Variants in NCOR2 observed in about 807,000 individuals in gnomAD.
NCOR2 encodes the protein CTG repeat protein 26.
NCOR2 carries 81 observed loss-of-function variants against 262.9 expected under a neutral mutation model. That is an observed-to-expected ratio of 0.31 (90% CI 0.26 to 0.37). The LOEUF (loss-of-function observed/expected upper bound fraction) is 0.37, where lower values mean the gene tolerates loss of function less well. NCOR2 is among the 10% of genes least tolerant of loss of function. The pLI is 1.00. For missense variants in NCOR2, 3,385 were observed against 3,621.4 expected, an observed-to-expected ratio of 0.93 and a Z score of 1.68; for synonymous variants, 1,659 against 1,559.3, an observed-to-expected ratio of 1.06 and a Z score of -1.51.
intron 28 of NCOR2, among the ~76,000 whole-genome samples, chr12:124,350,176 G>A (rs2037326220): frequency 2.0e-5 from 3 of 152,308 alleles, no homozygotes; most frequent in Admixed American, 1.3e-4. Flanking sequence ...CCTAGAGAGG[G>A]AGAGGATGGG....
intron 31 of NCOR2, among the ~76,000 whole-genome samples, chr12:124,345,677 G>A (rs1029199059): frequency 6.6e-6 from 1 of 152,230 alleles, no homozygotes; most frequent in African/African-American, 2.4e-5. Flanking sequence ...TGGTCATGCG[G>A]TGGATGCTTC....
chr12:124,475,022 C>G (rs992105589), intron 3 of NCOR2, among the ~76,000 whole-genome samples: 1 of 152,162 alleles, frequency 6.6e-6, no homozygotes, highest in African/African-American at 2.4e-5. Flanking sequence ...CTGCCATCCT[C>G]AGGGCCTCTG....
In NCOR2 at chr12:124,335,232, G is replaced by A. The variant is rs780497989; in HGVS notation, c.6314C>T (p.Pro2105Leu). 23 of 1,609,754 alleles carry A rather than the reference G, an allele frequency of 1.4e-5. No homozygotes were observed. In the East Asian group the frequency reaches 1.6e-4, roughly 11 times the overall value. Reference sequence around the variant, plus strand: ...GGACGAGGGCTGGCTCTCAGGCAGCGGCCGCAGGTGTGGGAGGTGGGCGGC... The same window carrying A: ...GGACGAGGGCTGGCTCTCAGGCAGCAGCCGCAGGTGTGGGAGGTGGGCGGC... The change falls in exon 40 of 47, where the codon CCG becomes CTG. Residue 2105 changes from proline to leucine, a missense_variant. Physicochemically the swap from Pro to Leu is moderately conservative, Grantham distance 98 (BLOSUM62 -3). Transcript: ENST00000405201.
At chr12:124,403,667 A>G (rs1490429243) in intron 13 of NCOR2, among the ~76,000 whole-genome samples, 1 of 152,198 alleles carries the variant, frequency 6.6e-6, no homozygotes, top group African/African-American at 2.4e-5. Flanking sequence ...ACCAGGGAGC[A>G]AGAACTCCAA....
chr12:124,380,594 C>T (rs2040338460), intron 17 of NCOR2, among the ~76,000 whole-genome samples: 1 of 152,186 alleles, frequency 6.6e-6, no homozygotes, highest in Non-Finnish European at 1.5e-5. Context: ...CGGCTGCGGC[C>T]GAGGGCTCCC....
At chr12:124,475,204 G>A (rs1215102774) in intron 3 of NCOR2, among the ~76,000 whole-genome samples, 1 of 152,156 alleles carries the variant, frequency 6.6e-6, no homozygotes, top group African/African-American at 2.4e-5. Flanking sequence ...GAGGGAAACA[G>A]AGAAAAGGGC....
upstream of NCOR2, among the ~76,000 whole-genome samples, chr12:124,536,882 C>A (rs1594026315): frequency 6.6e-6 from 1 of 152,174 alleles, no homozygotes; most frequent in Non-Finnish European, 1.5e-5. Flanking sequence ...AATCGCAGAA[C>A]AACTGAAAAC....
intron 32 of NCOR2, 77 bp from the exon 35 acceptor site, chr12:124,343,303 G>A (rs1053807119): frequency 2.5e-5 from 30 of 1,201,744 alleles, no homozygotes; most frequent in South Asian, 1.8e-4. Context: ...TAGGGACCTC[G>A]GGATCCCAAG....
chr12:124,519,103 C>T lies in NCOR2; in HGVS notation c.-118+16462G>A, dbSNP rs1034341733. Among the ~76,000 whole-genome samples the T allele has an allele frequency of 1.0e-3, 155 of 148,784 alleles. 2 individuals are homozygous for T. The highest frequency in any genetic ancestry group is 0.01 in the Middle Eastern group (3 of 292). ...TGGCCAAATAATACACACACACACACACACACACACACACACACACACACA... is the reference window on the plus strand; with the variant it reads ...TGGCCAAATAATACACACACACACATACACACACACACACACACACACACA... On this transcript the variant is annotated intron_variant, in intron 1 of 46. Transcript: ENST00000404621.
chr12:124,446,531 C>A (rs1249921023), intron 7 of NCOR2, among the ~76,000 whole-genome samples: 1 of 152,120 alleles, frequency 6.6e-6, no homozygotes, highest in Non-Finnish European at 1.5e-5. Flanking sequence ...AAGGCCTTTG[C>A]ACCTCCTGTT....
chr12:124,400,937 G>T (rs2041957289), intron 14 of NCOR2, among the ~76,000 whole-genome samples: 1 of 152,154 alleles, frequency 6.6e-6, no homozygotes, highest in African/African-American at 2.4e-5. Flanking sequence ...AGGTGTGCTG[G>T]GTCACACCTG....
At chr12:124,346,895 A>T in intron 30 of NCOR2, 45 bp from the exon 33 acceptor site, 1 of 1,459,272 alleles carries the variant, frequency 6.9e-7, no homozygotes, top group Non-Finnish European at 9.0e-7. Flanking sequence ...CCCCACCCAG[A>T]CCCATCAAGA....
intron 1 of NCOR2, among the ~76,000 whole-genome samples, chr12:124,489,655 G>A (rs976683904): frequency 6.8e-6 from 1 of 146,790 alleles, no homozygotes; most frequent in African/African-American, 2.5e-5. Flanking sequence ...CCCTGACCAT[G>A]GCACCTCTGA....
At chr12:124,346,620 G>A in exon 31 of NCOR2, 1 of 1,593,344 alleles carries the variant, frequency 6.3e-7, no homozygotes, top group Non-Finnish European at 8.5e-7. Context: ...TCGGGCGTGT[G>A]CCGCAGCTCC....
rs532278989 is a variant in NCOR2 at position 124,380,592 on chromosome 12, G to A, written c.2020-2208C>T. Among the ~76,000 whole-genome samples the A allele has an allele frequency of 3.9e-5, 6 of 152,358 alleles. 1 individual carries two copies. The South Asian group carries it at 1.2e-3, about 32-fold the overall frequency. On this transcript the variant is annotated intron_variant, in intron 17 of 46. Transcript: ENST00000405201. ...GTGGCATGTGGGTTCTGCGGCTGCG[G>A]CCGAGGGCTCCCCCTGCTTCCCGAA... is the stretch of plus-strand genomic sequence containing the variant.
chr12:124,342,914 T>C, intron 33 of NCOR2, 91 bp downstream of exon 35: 1 of 1,391,408 alleles, frequency 7.2e-7, no homozygotes, highest in Non-Finnish European at 9.8e-7. Flanking sequence ...ACCTGACAGT[T>C]GATGCCTAAG....
intron 1 of NCOR2, chr12:124,556,440 G>A (rs1340694441): frequency 2.6e-5 from 4 of 152,350 alleles, no homozygotes; most frequent in Non-Finnish European, 5.9e-5. Flanking sequence ...CACCCTTGTG[G>A]AACGTCCATT....
chr12:124,515,778 A>G (rs1260680489), intron 1 of NCOR2, among the ~76,000 whole-genome samples: 1 of 151,640 alleles, frequency 6.6e-6, no homozygotes, highest in African/African-American at 2.4e-5. Context: ...GTGAGTGTGC[A>G]TGTATGTGTG....
chr12:124,522,182 T>TATGTGC (rs1243993577), intron 1 of NCOR2, among the ~76,000 whole-genome samples: 1 of 152,194 alleles, frequency 6.6e-6, no homozygotes, highest in Non-Finnish European at 1.5e-5. Flanking sequence ...GCCCCTACTG[T>TATGTGC]ATGTGCTGAG....
Sources: allele counts gnomAD v4.1 joint callset (sites outside exome capture counted in the v4.1 genomes callset), GRCh38; gene constraint gnomAD v4.1.1; transcripts MANE v1.5; gene names NCBI Gene and HGNC (gene_info 2026-07-23, HGNC 2026-07-21).